TMEM205: variants seen among roughly 807,000 people sequenced by gnomAD.
The protein encoded by TMEM205 is transmembrane protein 205.
TMEM205 carries 11 observed loss-of-function variants against 17.9 expected under a neutral mutation model. The observed-to-expected ratio is 0.61, with a 90% confidence interval of 0.39 to 1.02. The LOEUF is 1.02. Ranked by LOEUF, TMEM205 falls within the 50% of genes least tolerant of loss-of-function variation. The probability of loss-of-function intolerance (pLI) is 0.01; values close to 1 mark genes in which losing one functional copy is unlikely to be tolerated. For missense variants in TMEM205, 236 were observed against 239.4 expected (o/e 0.99, Z 0.09); for synonymous variants, 86 against 97.4 (o/e 0.88, Z 0.69).
At position 11,342,984 on chromosome 19, in the gene TMEM205, T is replaced by A; in HGVS notation, c.401A>T (p.His134Leu). The A allele has an allele frequency of 1.2e-6, 2 of 1,614,172 alleles. No individual in the cohort carries two copies. Among genetic ancestry groups the A allele is most frequent in the Non-Finnish European group, 1.7e-6 (2 of 1,180,032 alleles). Reference protein sequence around the residue: ...RGLGGEVPGSHQGPDPYRQLR... With the variant: ...RGLGGEVPGSLQGPDPYRQLR... ...CTGGCGGTAGGGATCGGGACCCTGGTGGCTGCCTGGTACCTCCCCACCCAG... is the reference window on the plus strand; with the variant it reads ...CTGGCGGTAGGGATCGGGACCCTGGAGGCTGCCTGGTACCTCCCCACCCAG... The change falls in exon 3 of 3, where the codon CAC (histidine) becomes CTC (leucine). Residue 134 changes from histidine (H) to leucine (L), a missense_variant. By Grantham distance (99) the His-to-Leu change is moderately conservative. Transcript: ENST00000354882.
chr19:11,343,612 C>T (rs1258554116), intron 2 of TMEM205, among the ~76,000 whole-genome samples: 2 of 151,894 alleles, frequency 1.3e-5, no homozygotes, highest in African/African-American at 4.8e-5. Flanking sequence ...GGCAAAACCC[C>T]GTCTCTACTA....
chr19:11,346,024 AT>A lies in TMEM205; in HGVS notation c.-406del. Reference sequence around the variant, plus strand: ...AAATAATACCGGATATTAGGTGAAGATCCCGAAAGCCCCGAGGAAACCCTAA... The same window carrying A: ...AAATAATACCGGATATTAGGTGAAGACCCGAAAGCCCCGAGGAAACCCTAA... On this transcript the variant is annotated 5_prime_UTR_variant, in exon 1 of 3. An upstream open reading frame in the 5' UTR gains an earlier in-frame stop. Transcript: ENST00000354882. 4.4e-6 allele frequency: 1 copy of A among 229,826 alleles called. No individual in the cohort carries two copies. The highest frequency in any genetic ancestry group is 8.7e-6 in the Non-Finnish European group (1 of 114,772). The allele number at this position is 229,826 out of a possible 1,614,324, so 14.2% of individuals were successfully genotyped here. A position where few individuals can be genotyped will look rare whatever the true frequency, so the allele number is the denominator to read the frequency against.
In TMEM205 at chr19:11,342,870, A is replaced by T. The variant is rs1029948263; in HGVS notation, c.515T>A (p.Val172Asp). The part of the protein sequence containing the change: ...GLSSLCNLGC[V>D]LSNGLCLAGL... ...AGCGAGACAGAGCCCATTGCTCAGGACGCAGCCCAGATTGCAAAGAGAGGA... is the reference window on the plus strand; with the variant it reads ...AGCGAGACAGAGCCCATTGCTCAGGTCGCAGCCCAGATTGCAAAGAGAGGA... Residue 172 changes from valine to aspartate, a missense_variant, in exon 3 of 3, where the codon GTC becomes GAC. Val to Asp is a radical substitution (Grantham distance 152). Coordinates refer to ENST00000354882, the MANE Select transcript of TMEM205 (RefSeq NM_198536.3). The T allele has an allele frequency of 1.2e-6, 2 of 1,614,070 alleles. No homozygotes were observed. Among genetic ancestry groups the T allele is most frequent in the Admixed American group, 1.7e-5 (1 of 60,000 alleles).
chr19:11,346,297 A>C, upstream of TMEM205: 1 of 459,802 alleles, frequency 2.2e-6, no homozygotes, highest in Non-Finnish European at 3.8e-6. Context: ...CCCGCCTCCC[A>C]GCTGAGCCCG....
At chr19:11,343,634 A>C (rs1967026481) in intron 2 of TMEM205, among the ~76,000 whole-genome samples, 1 of 152,018 alleles carries the variant, frequency 6.6e-6, no homozygotes, top group South Asian at 2.1e-4. Context: ...AAATACAAAA[A>C]TTAGCCAGGT....
chr19:11,343,901 G>A (rs1180226384), intron 2 of TMEM205, among the ~76,000 whole-genome samples: 1 of 150,446 alleles, frequency 6.6e-6, no homozygotes, highest in Non-Finnish European at 1.5e-5. Context: ...GAAGCCAGGA[G>A]TTCAAGACCA....
At chr19:11,345,044 G>A (rs369142894) in intron 2 of TMEM205, 12 of 487,022 alleles carry the variant, frequency 2.5e-5, no homozygotes, top group East Asian at 1.2e-4. Flanking sequence ...TTTTAGTAGA[G>A]ACGGGGTTTC....
rs1240650624 is a variant in TMEM205, at chr19:11,345,813, C to T, written c.-194G>A. 1.8e-6 allele frequency: 2 copies of T among 1,118,556 alleles called. No homozygotes were observed. Among genetic ancestry groups the T allele is most frequent in the Non-Finnish European group, 2.4e-6 (2 of 821,492 alleles). 69.3% of individuals were successfully genotyped at this position (1,118,556 alleles called of 1,614,324 possible). On this transcript the variant is annotated 5_prime_UTR_variant, in exon 1 of 3. Coordinates refer to ENST00000354882, the MANE Select transcript of TMEM205 (RefSeq NM_198536.3). ...GCCCAAAGACAACCCTCGACCCCAT[C>T]TCTCCAAATGTCAGCCCTCAAGATC...
At chr19:11,343,812 C>A (rs1234838986) in intron 2 of TMEM205, among the ~76,000 whole-genome samples, 1 of 151,808 alleles carries the variant, frequency 6.6e-6, no homozygotes, top group East Asian at 1.9e-4. Flanking sequence ...AACAAAAAGT[C>A]TTTGAAGGCA....
rs749918122 is a variant in TMEM205, at chr19:11,345,599, T to G, written c.21A>C (p.Leu7=). 1 of 1,613,904 alleles carries G rather than the reference T, an allele frequency of 6.2e-7. No individual in the cohort carries two copies. Among genetic ancestry groups the G allele is most frequent in the Admixed American group, 1.7e-5 (1 of 60,002 alleles). Residue 7 remains leucine (L), a synonymous_variant, in exon 1 of 3, where the codon CTA becomes CTC. Transcript: ENST00000354882. ...GATGGACCATCTTAATCAGGCCTCC[T>G]AGGTTCCCGCCTTCCTCCATCTTGC... is the stretch of plus-strand genomic sequence containing the variant. MEEGGN[L]GGLIKMVHLL...
intron 2 of TMEM205, chr19:11,344,856 CTTTTTT>C: frequency 6.6e-6 from 1 of 152,148 alleles, no homozygotes; most frequent in Non-Finnish European, 1.4e-5. Flanking sequence ...CTTTCCTTTC[CTTTTTT>C]TTTTTTTTTT....
At position 11,342,952 on chromosome 19, in the gene TMEM205, C is replaced by T. The variant is rs1424899642; in HGVS notation, c.433G>A (p.Glu145Lys). ...AGAGCACTGTACTTGGGGTCCTTCT[C>T]TCGCAGCTGGCGGTAGGGATCGGGA... ...QGPDPYRQLR[E>K]KDPKYSALRQ... The change falls in exon 3 of 3, where the codon GAG becomes AAG. Residue 145 changes from glutamate (E) to lysine (K), a missense_variant. Coordinates refer to ENST00000354882, the MANE Select transcript of TMEM205 (RefSeq NM_198536.3). 3 of 1,614,204 alleles carry T rather than the reference C, an allele frequency of 1.9e-6. No homozygotes were observed. The highest frequency in any genetic ancestry group is 2.2e-5 in the South Asian group (2 of 91,086).
chr19:11,343,109 C>T lies in TMEM205; in HGVS notation c.276G>A (p.Leu92=), dbSNP rs185282123. 7 of 1,610,892 alleles carry T rather than the reference C, an allele frequency of 4.3e-6. No individual in the cohort carries two copies. Among genetic ancestry groups the T allele is most frequent in the Non-Finnish European group, 5.9e-6 (7 of 1,178,572 alleles). The change falls in exon 3 of 3, where the codon CTG becomes CTA. Residue 92 remains leucine, a synonymous_variant. Transcript: ENST00000354882. ...CAGTGGCCAGCGTAAGGCTCAGGAACAGCAGGTAAAGCTGGCAGGGAGAGC... is the reference window on the plus strand; with the variant it reads ...CAGTGGCCAGCGTAAGGCTCAGGAATAGCAGGTAAAGCTGGCAGGGAGAGC... ...TFWEASQLYL[L]FLSLTLATVN...
rs1967186425 is a variant in TMEM205 at position 11,345,754 on chromosome 19, G to A, written c.-135C>T. Reference sequence around the variant, plus strand: ...GCAGAGATTCTGGCAAAGCATCCCGGGAATGAGAGTGAGAAAGGCCCAAAG... The same window carrying A: ...GCAGAGATTCTGGCAAAGCATCCCGAGAATGAGAGTGAGAAAGGCCCAAAG... On this transcript the variant is annotated 5_prime_UTR_variant, in exon 1 of 3. Coordinates refer to ENST00000354882, the MANE Select transcript of TMEM205 (RefSeq NM_198536.3). 6.9e-6 allele frequency: 10 copies of A among 1,453,886 alleles called. No individual in the cohort carries two copies. Among genetic ancestry groups the A allele is most frequent in the Non-Finnish European group, 9.1e-6 (10 of 1,104,614 alleles). The allele number at this position is 1,453,886 out of a possible 1,614,324, so 90.1% of individuals were successfully genotyped here.
At position 11,345,640 on chromosome 19, in the gene TMEM205, G is replaced by A; in HGVS notation, c.-21C>T. ...TCCATCTTGCAGTCCTGGGAAGGAG[G>A]CACCGGGTGGCTCAGAACTTTACCT... is the stretch of plus-strand genomic sequence containing the variant. On this transcript the variant is annotated 5_prime_UTR_variant, in exon 1 of 3. Coordinates refer to ENST00000354882, the MANE Select transcript of TMEM205 (RefSeq NM_198536.3). The A allele has an allele frequency of 6.2e-7, 1 of 1,613,428 alleles. No individual in the cohort carries two copies. The highest frequency in any genetic ancestry group is 8.5e-7 in the Non-Finnish European group (1 of 1,179,776).
In TMEM205 at chr19:11,342,887, AAG is replaced by A; in HGVS notation, c.496_497del (p.Cys167GlnfsTer?). On this transcript the variant is annotated frameshift_variant, in exon 3 of 3. Transcript: ENST00000354882. LOFTEE classifies it high-confidence loss of function. ...TGCTCAGGACGCAGCCCAGATTGCA[AAG>A]AGAGGACAGCCCATGGTAGCGGAAG... is the stretch of plus-strand genomic sequence containing the variant. ...NFFRYHGLSS[L>X]CNLGCVLSNG... 1 of 1,614,206 alleles carries A rather than the reference AAG, an allele frequency of 6.2e-7. No individual in the cohort carries two copies. The highest frequency in any genetic ancestry group is 1.6e-4 in the Middle Eastern group (1 of 6,062).
rs758059533 is a variant in TMEM205 at position 11,342,938 on chromosome 19, C to T, written c.447G>A (p.Lys149=). 1.4e-5 allele frequency: 23 copies of T among 1,614,074 alleles called. No homozygotes were observed. Among genetic ancestry groups the T allele is most frequent in the Non-Finnish European group, 1.8e-5 (21 of 1,180,038 alleles). The change falls in exon 3 of 3, where the codon AAG becomes AAA. Residue 149 remains lysine, a synonymous_variant. Coordinates refer to ENST00000354882, the MANE Select transcript of TMEM205 (RefSeq NM_198536.3). Reference sequence around the variant, plus strand: ...AGAAATTCTGGCGGAGAGCACTGTACTTGGGGTCCTTCTCTCGCAGCTGGC... The same window carrying T: ...AGAAATTCTGGCGGAGAGCACTGTATTTGGGGTCCTTCTCTCGCAGCTGGC... ...PYRQLREKDP[K]YSALRQNFFR...
intron 2 of TMEM205, among the ~76,000 whole-genome samples, chr19:11,343,627 T>C (rs915942242): frequency 6.6e-6 from 1 of 151,816 alleles, no homozygotes; most frequent in African/African-American, 2.4e-5. Context: ...CTACTAAAAA[T>C]ACAAAAATTA....
chr19:11,343,828 G>A (rs1486743951), intron 2 of TMEM205, among the ~76,000 whole-genome samples: 1 of 151,846 alleles, frequency 6.6e-6, no homozygotes, highest in African/African-American at 2.4e-5. Context: ...AGGCAGGCAT[G>A]GTGGCTCATG....
Sources: allele counts gnomAD v4.1 joint callset (sites outside exome capture counted in the v4.1 genomes callset), GRCh38; gene constraint gnomAD v4.1.1; transcripts MANE v1.5; gene names NCBI Gene and HGNC (gene_info 2026-07-23, HGNC 2026-07-21).